DPYD: variants seen among roughly 807,000 people sequenced by gnomAD.
DPYD encodes dihydropyrimidine dehydrogenase [NADP(+)].
In DPYD, 109 loss-of-function variants were observed where a neutral mutation model predicts 116.2. The ratio of observed to expected loss-of-function variants is 0.94; its 90% CI spans 0.80 to 1.10. The LOEUF is 1.10. Ranked by LOEUF, DPYD falls within the 50% of genes least tolerant of loss-of-function variation. The probability of loss-of-function intolerance (pLI) is 0.00; values close to 1 mark genes in which losing one functional copy is unlikely to be tolerated. For missense variants in DPYD, 1,302 were observed against 1,254.5 expected (o/e 1.04, Z -0.57); for synonymous variants, 440 against 432.0 (o/e 1.02, Z -0.23).
chr1:97,781,832 A>G (rs1188169999), intron 3 of DPYD, among the ~76,000 whole-genome samples: 1 of 152,220 alleles, frequency 6.6e-6, no homozygotes, highest in Non-Finnish European at 1.5e-5. Flanking sequence ...ATCAGCACTA[A>G]ATAATATTTC....
intron 19 of DPYD, among the ~76,000 whole-genome samples, chr1:97,229,550 A>G (rs1370496094): frequency 3.5e-4 from 9 of 25,982 alleles, no homozygotes; most frequent in African/African-American, 1.9e-3. Flanking sequence ...TCCTAAGTAT[A>G]TATATATATA....
intron 18 of DPYD, among the ~76,000 whole-genome samples, chr1:97,282,805 G>A (rs1665411493): frequency 6.6e-6 from 1 of 152,098 alleles, no homozygotes; most frequent in Admixed American, 6.6e-5. Flanking sequence ...CCACTTCCGA[G>A]TGAGAACGGT....
At chr1:97,368,905 T>G (rs1671175128) in intron 16 of DPYD, among the ~76,000 whole-genome samples, 1 of 152,228 alleles carries the variant, frequency 6.6e-6, no homozygotes, top group Non-Finnish European at 1.5e-5. Flanking sequence ...ATCTTGTCAT[T>G]ATTTTAACAG....
intron 19 of DPYD, among the ~76,000 whole-genome samples, chr1:97,215,662 T>C (rs370601181): frequency 6.6e-6 from 1 of 152,190 alleles, no homozygotes; most frequent in Non-Finnish European, 1.5e-5. Context: ...AGGGCACTTG[T>C]AGTTTCATCC....
At chr1:97,163,614 A>G (rs905574394) in intron 20 of DPYD, among the ~76,000 whole-genome samples, 2 of 152,146 alleles carry the variant, frequency 1.3e-5, no homozygotes, top group African/African-American at 4.8e-5. Context: ...TGCTTTCTAG[A>G]TAGCGCCTTG....
intron 14 of DPYD, among the ~76,000 whole-genome samples, chr1:97,396,413 A>G (rs1157506152): frequency 1.4e-5 from 2 of 146,508 alleles, no homozygotes; most frequent in Non-Finnish European, 3.0e-5. Context: ...ATTTTATTCA[A>G]TGTGTGTCAG....
At chr1:97,694,663 C>A (rs1661200404) in intron 6 of DPYD, among the ~76,000 whole-genome samples, 1 of 152,264 alleles carries the variant, frequency 6.6e-6, no homozygotes, top group East Asian at 1.9e-4. Context: ...CATCATCACA[C>A]ACTATTCCCT....
chr1:97,134,099 T>C (rs1241229874), intron 20 of DPYD, among the ~76,000 whole-genome samples: 1 of 139,612 alleles, frequency 7.2e-6, no homozygotes, highest in African/African-American at 2.7e-5. Flanking sequence ...ACTGTTAAGG[T>C]GTAAGTGTGA....
intron 11 of DPYD, among the ~76,000 whole-genome samples, chr1:97,566,619 T>A (rs1050297394): frequency 5.3e-5 from 8 of 152,146 alleles, no homozygotes; most frequent in African/African-American, 1.4e-4. Context: ...TTGTAAATAT[T>A]TGTTTATTAA....
chr1:97,479,225 C>T (rs753689671), intron 13 of DPYD, among the ~76,000 whole-genome samples: 3 of 152,156 alleles, frequency 2.0e-5, no homozygotes, highest in Non-Finnish European at 4.4e-5. Context: ...CAGCCCATAT[C>T]GGTTTTCGAA....
intron 14 of DPYD, among the ~76,000 whole-genome samples, chr1:97,429,446 T>G (rs1473210702): frequency 6.6e-6 from 1 of 152,084 alleles, no homozygotes; most frequent in Non-Finnish European, 1.5e-5. Flanking sequence ...AGTATCTTAT[T>G]TTCTCTTTAT....
At chr1:97,590,483 G>C (rs924574732) in intron 10 of DPYD, among the ~76,000 whole-genome samples, 3 of 152,186 alleles carry the variant, frequency 2.0e-5, no homozygotes, top group African/African-American at 7.2e-5. Flanking sequence ...AAGTGACCCA[G>C]AGAGATGATC....
At chr1:97,363,332 G>A (rs1358217717) in intron 16 of DPYD, among the ~76,000 whole-genome samples, 1 of 152,166 alleles carries the variant, frequency 6.6e-6, no homozygotes, top group Non-Finnish European at 1.5e-5. Flanking sequence ...GGAGGAATAG[G>A]AATGCCTTTA....
intron 14 of DPYD, among the ~76,000 whole-genome samples, chr1:97,429,519 G>A (rs992843781): frequency 4.6e-5 from 7 of 151,968 alleles, no homozygotes; most frequent in African/African-American, 1.7e-4. Context: ...TGTGTATATA[G>A]GAGAGATTGA....
intron 13 of DPYD, among the ~76,000 whole-genome samples, chr1:97,500,798 T>A (rs887539907): frequency 2.0e-5 from 3 of 152,052 alleles, no homozygotes; most frequent in African/African-American, 7.2e-5. Flanking sequence ...AACCCTTTTG[T>A]TTCCACTAAA....
chr1:97,189,201 T>C (rs1658194074), intron 20 of DPYD, among the ~76,000 whole-genome samples: 1 of 152,134 alleles, frequency 6.6e-6, no homozygotes, highest in South Asian at 2.1e-4. Flanking sequence ...GGAAGCAGAC[T>C]TACAAAAATA....
At chr1:97,815,081 GAAAGAAAAGAGAAGAGAAGAGA>G (rs750451047) in intron 3 of DPYD, among the ~76,000 whole-genome samples, 60 of 143,492 alleles carry the variant, frequency 4.2e-4, no homozygotes, top group Non-Finnish European at 7.3e-4. Flanking sequence ...GAAAAGAGAA[GAAAGAAAAGAGAAGAGAAGAGA>G]AAAGAGAAGA....
At chr1:97,783,352 A>G (rs1383011364) in intron 3 of DPYD, among the ~76,000 whole-genome samples, 2 of 152,128 alleles carry the variant, frequency 1.3e-5, no homozygotes, top group African/African-American at 4.8e-5. Context: ...CCAAATAAGG[A>G]AAGAATACAG....
intron 1 of DPYD, among the ~76,000 whole-genome samples, chr1:97,895,300 G>A (rs930979172): frequency 6.6e-6 from 1 of 151,744 alleles, no homozygotes; most frequent in African/African-American, 2.4e-5. Flanking sequence ...GTTCAAAAGA[G>A]GCTAAGTGTA....
Sources: gnomAD v4.1 joint callset for allele counts (sites outside exome capture counted in the v4.1 genomes callset) on GRCh38, gnomAD v4.1.1 for gene constraint, MANE v1.5 for transcripts, NCBI Gene and HGNC (gene_info 2026-07-23, HGNC 2026-07-21) for gene names.